Variants in TAB2 observed in about 807,000 individuals in gnomAD.
TAB2 encodes the protein TGF-beta activated kinase 1 (MAP3K7) binding protein 2.
In TAB2, 3 loss-of-function variants were observed where a neutral mutation model predicts 65.0. The ratio of observed to expected loss-of-function variants is 0.05; its 90% confidence interval spans 0.02 to 0.12. TAB2 has a LOEUF of 0.12. Ranked by LOEUF, TAB2 falls within the 10% of genes least tolerant of loss-of-function variation. TAB2 has a pLI of 1.00. For synonymous variants in TAB2, 298 were observed against 285.1 expected (o/e 1.05, Z -0.46); for missense variants, 623 against 840.3 (o/e 0.74, Z 3.20).
At chr6:149,259,193 C>T (rs567237541) in intron 1 of TAB2, among the ~76,000 whole-genome samples, 68 of 152,214 alleles carry the variant, frequency 4.5e-4, no homozygotes, top group African/African-American at 1.6e-3. Context: ...CAATAGGAAA[C>T]TAATGGAGGA....
upstream of TAB2, among the ~76,000 whole-genome samples, chr6:149,312,720 G>A (rs1010299827): frequency 3.3e-5 from 5 of 152,194 alleles, no homozygotes; most frequent in Non-Finnish European, 7.3e-5. Flanking sequence ...AGAGGATGGA[G>A]GCCACCACAA....
At chr6:149,288,374 C>T (rs545978616) in intron 1 of TAB2, among the ~76,000 whole-genome samples, 15 of 152,332 alleles carry the variant, frequency 9.8e-5, no homozygotes, top group South Asian at 4.1e-4. Context: ...TGCACCCCTC[C>T]AGGAGACGGC....
intron 2 of TAB2, among the ~76,000 whole-genome samples, chr6:149,377,459 A>G (rs1781442881): frequency 6.6e-6 from 1 of 151,808 alleles, no homozygotes; most frequent in African/African-American, 2.4e-5. Context: ...CCAGAGAGAG[A>G]GGGATTACAC....
intron 1 of TAB2, among the ~76,000 whole-genome samples, chr6:149,329,324 T>C (rs562436956): frequency 2.1e-5 from 2 of 95,002 alleles, no homozygotes; most frequent in East Asian, 6.4e-4. Flanking sequence ...GAAGAATAGG[T>C]AATGTGTTTG....
At chr6:149,306,570 A>C (rs1381544024) in intron 1 of TAB2, among the ~76,000 whole-genome samples, 2 of 150,890 alleles carry the variant, frequency 1.3e-5, no homozygotes, top group African/African-American at 4.9e-5. Context: ...AAAAAAAAAA[A>C]AAACAAAAAA....
At chr6:149,234,688 G>T (rs1777463572) in intron 1 of TAB2, among the ~76,000 whole-genome samples, 1 of 152,120 alleles carries the variant, frequency 6.6e-6, no homozygotes, top group Non-Finnish European at 1.5e-5. Flanking sequence ...TGGGTTCTTA[G>T]CAGACAATAC....
intron 1 of TAB2, among the ~76,000 whole-genome samples, chr6:149,333,739 G>GTT (rs1779851835): frequency 6.6e-6 from 1 of 150,560 alleles, no homozygotes; most frequent in Non-Finnish European, 1.5e-5. Context: ...GTGTGTGTGT[G>GTT]TGTGTGTCTA....
At chr6:149,282,797 C>T (rs1467880682) in intron 1 of TAB2, among the ~76,000 whole-genome samples, 1 of 152,126 alleles carries the variant, frequency 6.6e-6, no homozygotes, top group East Asian at 1.9e-4. Flanking sequence ...CACATGAATT[C>T]GTCACACACT....
At chr6:149,344,777 A>G (rs1409815509) in intron 1 of TAB2, among the ~76,000 whole-genome samples, 2 of 152,140 alleles carry the variant, frequency 1.3e-5, no homozygotes, top group Non-Finnish European at 2.9e-5. Flanking sequence ...CTAATAAGGG[A>G]CATTTACTCT....
At chr6:149,348,614 G>GAA (rs112125616) in intron 1 of TAB2, among the ~76,000 whole-genome samples, 8 of 146,266 alleles carry the variant, frequency 5.5e-5, no homozygotes, top group Admixed American at 4.1e-4. Context: ...GGGCTTATGG[G>GAA]AAAAAAAAAA....
intron 1 of TAB2, among the ~76,000 whole-genome samples, chr6:149,220,492 G>A (rs1204072967): frequency 1.3e-5 from 2 of 152,120 alleles, no homozygotes; most frequent in Non-Finnish European, 2.9e-5. Context: ...CCAAATGTTG[G>A]CATATTGTAT....
chr6:149,273,041 G>A lies in TAB2; in HGVS notation c.-121+54265G>A, dbSNP rs188560829. Reference sequence around the variant, plus strand: ...ACCCCCTTACCTCCCCGCACCCTTCGCCCCATGTCCATGGAAAAATTGCCT... The same window carrying A: ...ACCCCCTTACCTCCCCGCACCCTTCACCCCATGTCCATGGAAAAATTGCCT... On this transcript the variant is annotated intron_variant, in intron 1 of 1. Coordinates refer to the TAB2 transcript ENST00000606202. 4.0e-4 allele frequency among the ~76,000 whole-genome samples: 61 copies of A among 151,198 alleles called. No individual in the cohort carries two copies. In the East Asian group the frequency reaches 9.5e-3, roughly 24 times the overall value.
At chr6:149,392,518 C>G (rs1293136604) in intron 3 of TAB2, among the ~76,000 whole-genome samples, 8 of 152,198 alleles carry the variant, frequency 5.3e-5, no homozygotes, top group Non-Finnish European at 1.2e-4. Context: ...CTGGCCCTTT[C>G]CTAACTCCTG....
At position 149,350,762 on chromosome 6, in the gene TAB2, G is replaced by A. The variant is rs114708265; in HGVS notation, c.-89-19147G>A. ...CCTGAGTAGCTGGGACTACAGGCAT[G>A]TGCCACCATGCCCAGCTTACTTTGT... On this transcript the variant is annotated intron_variant, in intron 1 of 6. Transcript: ENST00000637181. 6.7e-3 allele frequency among the ~76,000 whole-genome samples: 1,022 copies of A among 151,786 alleles called. 9 individuals are homozygous for A. Among genetic ancestry groups the A allele is most frequent in the African/African-American group, 0.023 (972 of 41,370 alleles).
intron 1 of TAB2, among the ~76,000 whole-genome samples, chr6:149,228,418 C>T (rs1291753608): frequency 2.0e-5 from 3 of 152,140 alleles, no homozygotes; most frequent in Non-Finnish European, 2.9e-5. Flanking sequence ...CCCTCGGCCA[C>T]CAGGGTGTAA....
At chr6:149,345,424 A>G (rs1780262329) in intron 1 of TAB2, among the ~76,000 whole-genome samples, 1 of 152,116 alleles carries the variant, frequency 6.6e-6, no homozygotes, top group African/African-American at 2.4e-5. Flanking sequence ...ATTTGAAGGT[A>G]CCTGTGGTTG....
At chr6:149,275,125 G>GTTTTTTTTTTTT (rs370658789) in intron 1 of TAB2, among the ~76,000 whole-genome samples, 1 of 67,856 alleles carries the variant, frequency 1.5e-5, no homozygotes. Context: ...CTCTTCTTCT[G>GTTTTTTTTTTTT]TTTTTTTTTT....
At chr6:149,358,496 G>A (rs1479854117) in intron 1 of TAB2, among the ~76,000 whole-genome samples, 1 of 152,110 alleles carries the variant, frequency 6.6e-6, no homozygotes, top group Non-Finnish European at 1.5e-5. Flanking sequence ...CTAATTAGAA[G>A]TTCATCAATC....
At chr6:149,353,828 G>A (rs1780566664) in intron 1 of TAB2, among the ~76,000 whole-genome samples, 2 of 152,114 alleles carry the variant, frequency 1.3e-5, no homozygotes, top group African/African-American at 4.8e-5. Flanking sequence ...TTTTCTTCAG[G>A]TGTATATTTT....
Sources: gnomAD v4.1 joint callset for allele counts (sites outside exome capture counted in the v4.1 genomes callset) on GRCh38, gnomAD v4.1.1 for gene constraint, MANE v1.5 for transcripts, NCBI Gene and HGNC (gene_info 2026-07-23, HGNC 2026-07-21) for gene names.